ST3GAL1: variants seen among roughly 807,000 people sequenced by gnomAD.
ST3GAL1 encodes the protein ST3 beta-galactoside alpha-2,3-sialyltransferase 1, also known as CMP-N-acetylneuraminate-beta-galactosamide-alpha-2,3-sialyltransferase 1.
In ST3GAL1, 16 loss-of-function variants were observed where a neutral mutation model predicts 34.1. That is an observed-to-expected ratio of 0.47 (90% CI 0.32 to 0.71). The LOEUF is 0.71. Ranked by LOEUF, ST3GAL1 falls within the 30% of genes least tolerant of loss-of-function variation. The pLI is 0.04. For synonymous variants in ST3GAL1, 191 were observed against 184.7 expected (o/e 1.03, Z -0.28); for missense variants, 353 against 447.4 (o/e 0.79, Z 1.90).
Position 133,566,251 on chromosome 8 carries a change from A to G in ST3GAL1, c.-582+5442T>C, listed in dbSNP as rs187663748. On this transcript the variant is annotated intron_variant, in intron 1 of 9. Transcript: ENST00000522652. Reference sequence around the variant, plus strand: ...GGAATGAGAGGAGCATGCTCCCCCAACACAGTCATTAGGCCTTACTGCTTC... The same window carrying G: ...GGAATGAGAGGAGCATGCTCCCCCAGCACAGTCATTAGGCCTTACTGCTTC... 2.6e-3 allele frequency among the ~76,000 whole-genome samples: 389 copies of G among 152,286 alleles called. 1 individual carries two copies. Among genetic ancestry groups the G allele is most frequent in the African/African-American group, 8.9e-3 (370 of 41,558 alleles).
Position 133,541,096 on chromosome 8 carries a change from C to CATATATATATATATAT in ST3GAL1, c.-429+4662_-429+4677dup, listed in dbSNP as rs780797700. On this transcript the variant is annotated intron_variant, in intron 2 of 9. Transcript: ENST00000522652. ...ATATATATAGACATATATATATAAACATATATATATATATATATATATATA... is the reference window on the plus strand; with the variant it reads ...ATATATATAGACATATATATATAAACATATATATATATATATATATATATATATATATATATATATA... Among the ~76,000 whole-genome samples, 8 of 37,202 alleles carry CATATATATATATATAT rather than the reference C, an allele frequency of 2.2e-4. 1 individual carries two copies. The highest frequency in any genetic ancestry group is 1.3e-3 in the African/African-American group (8 of 5,926). The allele number at this position is 37,202 out of a possible 152,430, so 24.4% of individuals were successfully genotyped here. A position where few individuals can be genotyped will look rare whatever the true frequency, so the allele number is the denominator to read the frequency against.
intron 2 of ST3GAL1, among the ~76,000 whole-genome samples, chr8:133,530,622 T>C (rs1294308852): frequency 6.6e-6 from 1 of 152,188 alleles, no homozygotes; most frequent in African/African-American, 2.4e-5. Flanking sequence ...TGTGCTCAGA[T>C]CACTGACACC....
Position 133,463,411 on chromosome 8 carries a change from C to T in ST3GAL1, c.729+3G>A. 5 of 1,613,944 alleles carry T rather than the reference C, an allele frequency of 3.1e-6. No individual in the cohort carries two copies. Among genetic ancestry groups the T allele is most frequent in the Non-Finnish European group, 4.2e-6 (5 of 1,179,958 alleles). ...GAACAGAGGGGCCGGGGCCTCCACT[C>T]ACCTTATCCTGTTTCACTCTGATCT... On this transcript the variant is annotated splice_donor_region_variant and intron_variant, in intron 8 of 9. Coordinates refer to ENST00000522652, the MANE Select transcript of ST3GAL1 (RefSeq NM_173344.3).
chr8:133,518,742 G>A (rs1283936637), intron 2 of ST3GAL1, among the ~76,000 whole-genome samples: 2 of 152,186 alleles, frequency 1.3e-5, no homozygotes, highest in Non-Finnish European at 1.5e-5. Flanking sequence ...AGTACTATGC[G>A]CCAAACACTT....
intron 1 of ST3GAL1, among the ~76,000 whole-genome samples, chr8:133,564,059 G>A (rs1488774407): frequency 6.6e-6 from 1 of 152,208 alleles, no homozygotes; most frequent in Non-Finnish European, 1.5e-5. Context: ...CTCCTTTGCT[G>A]TGTGTCTCTT....
chr8:133,516,755 C>A (rs949037786), intron 2 of ST3GAL1, among the ~76,000 whole-genome samples: 1 of 152,206 alleles, frequency 6.6e-6, no homozygotes, highest in African/African-American at 2.4e-5. Context: ...TGCTTACAAC[C>A]CTCATAACTC....
intron 2 of ST3GAL1, among the ~76,000 whole-genome samples, chr8:133,501,415 T>A (rs1242867105): frequency 1.3e-5 from 2 of 152,092 alleles, no homozygotes; most frequent in African/African-American, 2.4e-5. Context: ...TTTGGAGAAG[T>A]ACTGTCAATT....
At chr8:133,495,539 T>G (rs775849191) in intron 3 of ST3GAL1, among the ~76,000 whole-genome samples, 8 of 152,188 alleles carry the variant, frequency 5.3e-5, no homozygotes, top group East Asian at 1.9e-4. Context: ...TGGAGACACT[T>G]CTCCATGAGT....
chr8:133,549,303 G>A (rs1246898874), intron 1 of ST3GAL1, among the ~76,000 whole-genome samples: 2 of 152,112 alleles, frequency 1.3e-5, no homozygotes, highest in East Asian at 3.9e-4. Context: ...TCGGGAGGCT[G>A]AGGCAGGAGA....
At chr8:133,542,411 A>T (rs186890747) in intron 2 of ST3GAL1, among the ~76,000 whole-genome samples, 53 of 152,338 alleles carry the variant, frequency 3.5e-4, no homozygotes, top group African/African-American at 1.3e-3. Flanking sequence ...GTAAATGTCA[A>T]AATAACTAAT....
chr8:133,462,044 A>T, intron 8 of ST3GAL1, 50 bp from the exon 9 acceptor site: 1 of 1,611,702 alleles, frequency 6.2e-7, no homozygotes. Flanking sequence ...GGGGCAAAGG[A>T]CATGGAGCGC....
chr8:133,545,036 A>T (rs995986627), intron 2 of ST3GAL1, among the ~76,000 whole-genome samples: 3 of 152,224 alleles, frequency 2.0e-5, no homozygotes, highest in African/African-American at 7.2e-5. Context: ...CTCTCTCTGC[A>T]CTATCCATGG....
intron 2 of ST3GAL1, among the ~76,000 whole-genome samples, chr8:133,507,802 C>T (rs1189793602): frequency 6.6e-6 from 1 of 152,148 alleles, no homozygotes; most frequent in Non-Finnish European, 1.5e-5. Context: ...TTCAGGTTTT[C>T]ATTTCCTTAG....
chr8:133,471,001 G>A (rs552550712), intron 5 of ST3GAL1, among the ~76,000 whole-genome samples: 51 of 152,184 alleles, frequency 3.4e-4, no homozygotes, highest in African/African-American at 1.1e-3. Flanking sequence ...AGGTACCCGC[G>A]CTCCCTTCCC....
chr8:133,541,897 T>C (rs1818545966), intron 2 of ST3GAL1, among the ~76,000 whole-genome samples: 1 of 152,108 alleles, frequency 6.6e-6, no homozygotes, highest in South Asian at 2.1e-4. Flanking sequence ...GTGGCGGCGT[T>C]GATAGTGAGA....
intron 2 of ST3GAL1, among the ~76,000 whole-genome samples, chr8:133,510,644 AT>A (rs1400201036): frequency 6.6e-5 from 10 of 152,216 alleles, no homozygotes; most frequent in African/African-American, 2.2e-4. Flanking sequence ...TAATTAGCTA[AT>A]TAATTAAAAT....
intron 2 of ST3GAL1, among the ~76,000 whole-genome samples, chr8:133,531,079 T>TC (rs1422406248): frequency 6.6e-6 from 1 of 152,080 alleles, no homozygotes; most frequent in Non-Finnish European, 1.5e-5. Context: ...GCAGTGGCTG[T>TC]CCCCCGCTCT....
At chr8:133,528,159 G>C (rs994459299) in intron 2 of ST3GAL1, among the ~76,000 whole-genome samples, 1 of 152,050 alleles carries the variant, frequency 6.6e-6, no homozygotes, top group Non-Finnish European at 1.5e-5. Context: ...TGGTGACAGA[G>C]CGAGACTCTG....
chr8:133,560,052 C>T (rs900543734), intron 1 of ST3GAL1, among the ~76,000 whole-genome samples: 2 of 152,172 alleles, frequency 1.3e-5, no homozygotes, highest in Non-Finnish European at 2.9e-5. Context: ...TGTGGCACTG[C>T]AGGGTGGCTA....
Sources: gnomAD v4.1 joint callset for allele counts (sites outside exome capture counted in the v4.1 genomes callset) on GRCh38, gnomAD v4.1.1 for gene constraint, MANE v1.5 for transcripts, NCBI Gene and HGNC (gene_info 2026-07-23, HGNC 2026-07-21) for gene names.